The following KALRN variants were observed in gnomAD, a reference collection of about 807,000 sequenced individuals.
KALRN encodes kalirin.
KALRN carries 70 observed loss-of-function variants against 353.7 expected under a neutral mutation model. The ratio of observed to expected loss-of-function variants is 0.20; its 90% CI spans 0.16 to 0.24. The LOEUF (loss-of-function observed/expected upper bound fraction) is 0.24, where lower values mean the gene tolerates loss of function less well. Ranked by LOEUF, KALRN falls within the 10% of genes least tolerant of loss-of-function variation. The pLI is 1.00. For synonymous variants in KALRN, 1,391 were observed against 1,434.8 expected (o/e 0.97, Z 0.69); for missense variants, 2,791 against 3,756.7 (o/e 0.74, Z 6.72).
chr3:124,408,215 G>C (rs2150201613), intron 13 of KALRN, among the ~76,000 whole-genome samples: 1 of 152,262 alleles, frequency 6.6e-6, no homozygotes, highest in Admixed American at 6.5e-5. Flanking sequence ...AATTTAAAAG[G>C]CTCATGTGAA....
At chr3:124,135,053 T>C (rs2065763740) in intron 1 of KALRN, among the ~76,000 whole-genome samples, 1 of 152,138 alleles carries the variant, frequency 6.6e-6, no homozygotes, top group South Asian at 2.1e-4. Flanking sequence ...AAGAAGTCAT[T>C]ACTTGAAAAA....
At chr3:124,193,224 T>C (rs958332392) in intron 1 of KALRN, among the ~76,000 whole-genome samples, 2 of 152,090 alleles carry the variant, frequency 1.3e-5, no homozygotes, top group Non-Finnish European at 2.9e-5. Context: ...GAAAGCCCTG[T>C]TGGGAGATTG....
intron 1 of KALRN, among the ~76,000 whole-genome samples, chr3:124,118,832 A>G (rs2063706482): frequency 6.6e-6 from 1 of 152,234 alleles, no homozygotes; most frequent in Admixed American, 6.5e-5. Flanking sequence ...TTTACAGTTT[A>G]TAAAGCATGT....
intron 10 of KALRN, among the ~76,000 whole-genome samples, chr3:124,362,454 C>A (rs558273138): frequency 6.6e-6 from 1 of 152,346 alleles, no homozygotes; most frequent in South Asian, 2.1e-4. Context: ...GACATCCAAG[C>A]CTCATCAGGA....
chr3:124,463,156 T>C (rs2060007834), intron 25 of KALRN, among the ~76,000 whole-genome samples: 1 of 152,250 alleles, frequency 6.6e-6, no homozygotes. Flanking sequence ...AGTCATTGTT[T>C]CCAACTTGAT....
At chr3:124,034,504 C>T (rs2039223688) in intron 1 of KALRN, among the ~76,000 whole-genome samples, 1 of 152,100 alleles carries the variant, frequency 6.6e-6, no homozygotes, top group African/African-American at 2.4e-5. Context: ...GTTAGCGTCC[C>T]TCTCATACAC....
chr3:124,430,399 T>G (rs534391552), intron 15 of KALRN, among the ~76,000 whole-genome samples: 2 of 152,298 alleles, frequency 1.3e-5, no homozygotes, highest in Admixed American at 1.3e-4. Context: ...GTTTACACTA[T>G]GTGGGTGAGG....
chr3:124,044,447 A>C (rs969017605), intron 1 of KALRN, among the ~76,000 whole-genome samples: 4 of 152,046 alleles, frequency 2.6e-5, no homozygotes, highest in Non-Finnish European at 5.9e-5. Flanking sequence ...TAGTTTATAA[A>C]TCTGTAAAAT....
chr3:124,364,887 G>A (rs1331262960), intron 10 of KALRN, among the ~76,000 whole-genome samples: 2 of 152,200 alleles, frequency 1.3e-5, no homozygotes, highest in African/African-American at 2.4e-5. Context: ...CCCACAGTGA[G>A]CTTTCCAAAT....
Position 124,726,249 on chromosome 3 carries a change from T to C in KALRN, c.*6779T>C, listed in dbSNP as rs984789583. The C allele has an allele frequency of 6.6e-6, 1 of 152,218 alleles. No individual in the cohort carries two copies. Among genetic ancestry groups the C allele is most frequent in the Non-Finnish European group, 1.5e-5 (1 of 68,040 alleles). The allele number at this position is 152,218 out of a possible 1,614,324, so 9.4% of individuals were successfully genotyped here. The stretch of plus-strand genomic sequence containing the variant: ...CTTGTTACTGCTACAGTAAATGTTA[T>C]AAGTTATGGATGAAACTTCAAAATG... On this transcript the variant is annotated 3_prime_UTR_variant, in exon 60 of 60. Transcript: ENST00000682506.
chr3:124,320,766 C>T (rs2079249812), intron 6 of KALRN, among the ~76,000 whole-genome samples: 1 of 152,192 alleles, frequency 6.6e-6, no homozygotes, highest in South Asian at 2.1e-4. Flanking sequence ...ATTCTGAATC[C>T]TCTGATCTCT....
chr3:124,682,482 A>T (rs1160931228), intron 51 of KALRN, among the ~76,000 whole-genome samples: 3 of 152,160 alleles, frequency 2.0e-5, no homozygotes, highest in Non-Finnish European at 4.4e-5. Context: ...TCCTGCCCTG[A>T]CTGACTCCCT....
At chr3:124,043,535 C>A (rs1249936001) in intron 1 of KALRN, among the ~76,000 whole-genome samples, 1 of 151,996 alleles carries the variant, frequency 6.6e-6, no homozygotes, top group Non-Finnish European at 1.5e-5. Context: ...GAAGGCAGAC[C>A]TCAGTGAAGT....
In KALRN at chr3:124,384,954, G is replaced by A. The variant is rs749969083; in HGVS notation, c.1880G>A (p.Arg627His). Residue 627 changes from arginine to histidine, a missense_variant, in exon 11 of 60, where the codon CGC (arginine) becomes CAC (histidine). Coordinates refer to ENST00000682506, the MANE Select transcript of KALRN (RefSeq NM_001388419.1). Reference sequence around the variant, plus strand: ...AAGGCAGCTCGACACCTGGAGGTGCGCATCCAAGACTTCGTGCGCAGGGTG... The same window carrying A: ...AAGGCAGCTCGACACCTGGAGGTGCACATCCAAGACTTCGTGCGCAGGGTG... ...IYKAARHLEV[R>H]IQDFVRRVEQ... 5.6e-6 allele frequency: 9 copies of A among 1,613,968 alleles called. No individual in the cohort carries two copies. Among genetic ancestry groups the A allele is most frequent in the Non-Finnish European group, 6.8e-6 (8 of 1,179,914 alleles).
chr3:124,264,377 G>A (rs2073258824), intron 3 of KALRN, 121 bp from the exon 4 acceptor site: 2 of 776,018 alleles, frequency 2.6e-6, no homozygotes, highest in South Asian at 1.9e-5. Flanking sequence ...AAGAGACCTG[G>A]CATGAAGTTG....
intron 5 of KALRN, among the ~76,000 whole-genome samples, chr3:124,278,951 A>G (rs1245753526): frequency 5.9e-5 from 9 of 151,500 alleles, no homozygotes; most frequent in African/African-American, 2.2e-4. Context: ...ACCTTCTACC[A>G]TTTTCCCTGT....
chr3:124,380,512 G>A (rs1190471450), intron 10 of KALRN, among the ~76,000 whole-genome samples: 1 of 152,204 alleles, frequency 6.6e-6, no homozygotes, highest in African/African-American at 2.4e-5. Flanking sequence ...TCCAACAGCT[G>A]AGGGATCTAT....
rs4678103 is a variant in KALRN, at chr3:124,274,763, T to G, written c.969+5508T>G. Among the ~76,000 whole-genome samples, 6,388 of 152,290 alleles carry G rather than the reference T, an allele frequency of 0.042. 759 individuals are homozygous for G. In the East Asian group the frequency reaches 0.47, roughly 11 times the overall value. ...CTAGCCCAAATGAGAATCTCTCATT[T>G]TTTTTTTAGGTGTTCAGCAGAGACT... On this transcript the variant is annotated intron_variant, in intron 5 of 59. Coordinates refer to ENST00000682506, the MANE Select transcript of KALRN (RefSeq NM_001388419.1).
intron 10 of KALRN, among the ~76,000 whole-genome samples, chr3:124,368,837 A>C (rs535808593): frequency 1.3e-5 from 2 of 152,184 alleles, no homozygotes; most frequent in African/African-American, 4.8e-5. Flanking sequence ...AGGCTGGCGG[A>C]TCACTCGCGG....
Sources: gnomAD v4.1 joint callset for allele counts (sites outside exome capture counted in the v4.1 genomes callset) on GRCh38, gnomAD v4.1.1 for gene constraint, MANE v1.5 for transcripts, NCBI Gene and HGNC (gene_info 2026-07-23, HGNC 2026-07-21) for gene names.